Variants in TMEM117 observed in about 807,000 individuals in gnomAD.
TMEM117 encodes the protein transmembrane protein 117.
Under a neutral mutation model 52.4 loss-of-function variants are expected in TMEM117, and 27 were observed. That is an observed-to-expected ratio of 0.51 (90% CI 0.38 to 0.71). TMEM117 has a LOEUF of 0.71. TMEM117 is among the 30% of genes least tolerant of loss of function. The pLI is 0.00. For synonymous variants in TMEM117, 215 were observed against 206.3 expected, an observed-to-expected ratio of 1.04 and a Z score of -0.36; for missense variants, 556 against 630.5, an observed-to-expected ratio of 0.88 and a Z score of 1.26.
chr12:44,214,467 C>G (rs568214546), intron 5 of TMEM117, among the ~76,000 whole-genome samples: 1 of 152,182 alleles, frequency 6.6e-6, no homozygotes, highest in Admixed American at 6.5e-5. Flanking sequence ...CACACCCGGC[C>G]TCAAATGGGT....
intron 6 of TMEM117, among the ~76,000 whole-genome samples, chr12:44,372,895 C>T (rs116632671): frequency 4.1e-4 from 63 of 152,202 alleles, no homozygotes; most frequent in African/African-American, 1.2e-3. Flanking sequence ...TGCAGGTGGA[C>T]GTGTTAATTA....
At position 44,209,185 on chromosome 12, in the gene TMEM117, C is replaced by T. The variant is rs181913549; in HGVS notation, c.511-2105C>T. Among the ~76,000 whole-genome samples, 19 of 152,152 alleles carry T rather than the reference C, an allele frequency of 1.2e-4. No homozygotes were observed. The East Asian group carries it at 2.5e-3, about 20-fold the overall frequency. ...GCAATTTCTTCCTCTAGAGAAGTTA[C>T]GATATAAAGCTCTTTTTATACCTAA... is the stretch of plus-strand genomic sequence containing the variant. On this transcript the variant is annotated intron_variant, in intron 4 of 7. Transcript: ENST00000266534.
At chr12:44,335,719 A>G (rs1951332517) in intron 6 of TMEM117, among the ~76,000 whole-genome samples, 1 of 152,048 alleles carries the variant, frequency 6.6e-6, no homozygotes, top group African/African-American at 2.4e-5. Flanking sequence ...CTTTTTTGTT[A>G]AAAATATATA....
At chr12:43,819,602 GTC>G in the TMEM117 span, among the ~76,000 whole-genome samples, 2 of 152,088 alleles carry the variant, frequency 1.3e-5, no homozygotes, top group African/African-American at 4.8e-5. Flanking sequence ...GTGAAACCTC[GTC>G]TCTACTAAAA....
At chr12:43,806,325 C>A in the TMEM117 span, 1 of 1,316,450 alleles carries the variant, frequency 7.6e-7, no homozygotes, top group Non-Finnish European at 9.6e-7. Flanking sequence ...GTGGCTGCTC[C>A]TCCGCCGGCC....
intron 5 of TMEM117, among the ~76,000 whole-genome samples, chr12:44,274,066 A>G (rs1027559051): frequency 6.6e-6 from 1 of 152,120 alleles, no homozygotes; most frequent in Non-Finnish European, 1.5e-5. Flanking sequence ...TGAAAAACCT[A>G]AAGACTCCAC....
intron 2 of TMEM117, among the ~76,000 whole-genome samples, chr12:43,918,339 A>G (rs1944639287): frequency 6.6e-6 from 1 of 151,988 alleles, no homozygotes; most frequent in Non-Finnish European, 1.5e-5. Context: ...TTTTTGTTTC[A>G]TTTTTAGAAC....
Position 44,255,651 on chromosome 12 carries a change from G to A in TMEM117, c.609-43929G>A, listed in dbSNP as rs541042890. Among the ~76,000 whole-genome samples, 8 of 152,096 alleles carry A rather than the reference G, an allele frequency of 5.3e-5. No homozygotes were observed. The East Asian group carries it at 1.5e-3, about 29-fold the overall frequency. ...AAAAGCAGGATATAAACTTGGACAT[G>A]GTAGGATCACAATTTGGTAACACAG... On this transcript the variant is annotated intron_variant, in intron 5 of 7. Transcript: ENST00000266534.
the TMEM117 span, chr12:43,799,254 C>T: frequency 2.1e-6 from 1 of 476,304 alleles, no homozygotes; most frequent in African/African-American, 2.0e-5. Context: ...GCATTAAGCA[C>T]ATAGCCTTAT....
chr12:43,797,586 A>C, the TMEM117 span: 1 of 1,428,238 alleles, frequency 7.0e-7, no homozygotes, highest in Non-Finnish European at 9.4e-7. Flanking sequence ...ATGAACATTT[A>C]CAAAATGAAT....
chr12:44,181,697 T>C (rs1030624976), intron 4 of TMEM117, among the ~76,000 whole-genome samples: 3 of 151,866 alleles, frequency 2.0e-5, no homozygotes, highest in Non-Finnish European at 4.4e-5. Flanking sequence ...GGCTCTGTTC[T>C]GTTCCATTGA....
chr12:43,813,148 T>C, the TMEM117 span, among the ~76,000 whole-genome samples: 1 of 151,750 alleles, frequency 6.6e-6, no homozygotes, highest in Non-Finnish European at 1.5e-5. Context: ...CCATCCCACT[T>C]GCCTTCATAG....
At chr12:44,317,223 T>A (rs1951067172) in intron 6 of TMEM117, among the ~76,000 whole-genome samples, 2 of 150,662 alleles carry the variant, frequency 1.3e-5, no homozygotes, top group East Asian at 3.9e-4. Context: ...ACACTGGCAC[T>A]TCTAATTTTT....
chr12:43,944,386 GA>G (rs1657560871), intron 3 of TMEM117, 44 bp downstream of exon 3: 1 of 1,558,170 alleles, frequency 6.4e-7, no homozygotes, highest in African/African-American at 1.4e-5. Context: ...TGTTATGTTT[GA>G]AACTTGTAAG....
chr12:44,319,635 G>T (rs951266107), intron 6 of TMEM117, among the ~76,000 whole-genome samples: 1 of 152,090 alleles, frequency 6.6e-6, no homozygotes, highest in Non-Finnish European at 1.5e-5. Flanking sequence ...CTTCTAATCC[G>T]CTGTCTTGGA....
intron 3 of TMEM117, among the ~76,000 whole-genome samples, chr12:44,139,783 C>T (rs1258769866): frequency 6.6e-6 from 1 of 152,058 alleles, no homozygotes; most frequent in African/African-American, 2.4e-5. Flanking sequence ...ATTACTTGCC[C>T]AAATCAGTAG....
At chr12:43,898,032 A>ACACACACGCACACGCG (rs1944237395) in intron 2 of TMEM117, among the ~76,000 whole-genome samples, 1 of 13,832 alleles carries the variant, frequency 7.2e-5, no homozygotes, top group Admixed American at 9.8e-4. Flanking sequence ...ACATGCGCAC[A>ACACACACGCACACGCG]CACACACACA....
chr12:44,346,056 G>A (rs1489314398), intron 6 of TMEM117, among the ~76,000 whole-genome samples: 2 of 151,982 alleles, frequency 1.3e-5, no homozygotes, highest in African/African-American at 2.4e-5. Flanking sequence ...ATTTTCCCCT[G>A]AAGTTTTATC....
chr12:43,855,306 A>C (rs117917705), intron 2 of TMEM117, among the ~76,000 whole-genome samples: 4,205 of 151,452 alleles, frequency 0.028, 103 homozygotes, highest in Non-Finnish European at 0.037. Context: ...CTTGTTGCCC[A>C]GGCTGGAGTG....
Sources: gnomAD v4.1 joint callset for allele counts (sites outside exome capture counted in the v4.1 genomes callset) on GRCh38, gnomAD v4.1.1 for gene constraint, MANE v1.5 for transcripts, NCBI Gene and HGNC (gene_info 2026-07-23, HGNC 2026-07-21) for gene names.